Variants in TXNIP observed in about 807,000 individuals in gnomAD.
The protein encoded by TXNIP is thioredoxin interacting protein.
A neutral mutation model predicts 43.9 loss-of-function variants in TXNIP; 23 were observed. The observed-to-expected ratio is 0.52, with a 90% CI of 0.38 to 0.74. TXNIP has a LOEUF of 0.74. Ranked by LOEUF, TXNIP falls within the 30% of genes least tolerant of loss-of-function variation. The probability of loss-of-function intolerance (pLI) is 0.00; values close to 1 mark genes in which losing one functional copy is unlikely to be tolerated. For missense variants in TXNIP, 555 were observed against 485.4 expected, an observed-to-expected ratio of 1.14 and a Z score of -1.35; for synonymous variants, 234 against 172.2, an observed-to-expected ratio of 1.36 and a Z score of -2.81.
At position 145,993,662 on chromosome 1, in the gene TXNIP, C is replaced by A; in HGVS notation, c.*189G>T. On this transcript the variant is annotated 3_prime_UTR_variant, in exon 8 of 8. Coordinates refer to ENST00000582401, the MANE Select transcript of TXNIP (RefSeq NM_006472.6). ...CCCTGTATCACAACATGGGCGCTGG[C>A]TGAGGATGAGTCCGCATCCTTTAAG... 1.6e-6 allele frequency: 1 copy of A among 609,700 alleles called. No individual in the cohort carries two copies. Among genetic ancestry groups the A allele is most frequent in the Non-Finnish European group, 2.8e-6 (1 of 351,852 alleles). 37.8% of individuals were successfully genotyped at this position (609,700 alleles called of 1,614,324 possible). A position where few individuals can be genotyped will look rare whatever the true frequency, so the allele number is the denominator to read the frequency against.
Position 145,996,009 on chromosome 1 carries a change from C to T in TXNIP, c.250+8G>A, listed in dbSNP as rs1553766511. ...TTTCACCCTCCAACAATGAATTGGG[C>T]CGCTTACCTGTTGGCTGGTCTTCCA... On this transcript the variant is annotated splice_region_variant and intron_variant, in intron 1 of 7. Transcript: ENST00000582401. 1.2e-6 allele frequency: 2 copies of T among 1,612,338 alleles called. No individual in the cohort carries two copies. Among genetic ancestry groups the T allele is most frequent in the Non-Finnish European group, 8.5e-7 (1 of 1,179,268 alleles).
chr1:145,993,867 T>C lies in TXNIP; in HGVS notation c.1160A>G (p.Asn387Ser). 6.2e-7 allele frequency: 1 copy of C among 1,614,218 alleles called. No homozygotes were observed. Reference sequence around the variant, plus strand: ...TCCACATGCTCACTGCACATTGTTGTTGAGGATGCAGGGATCCACCTAAAG... The same window carrying C: ...TCCACATGCTCACTGCACATTGTTGCTGAGGATGCAGGGATCCACCTAAAG... ...TYTEVDPCIL[N>S]NNVQ Residue 387 changes from asparagine to serine, a missense_variant, in exon 8 of 8, where the codon AAC (asparagine) becomes AGC (serine). Physicochemically the swap from Asn to Ser is conservative, Grantham distance 46 (BLOSUM62 1). Transcript: ENST00000582401.
chr1:145,995,832 A>T, intron 1 of TXNIP, 185 bp downstream of exon 1: 1 of 788,758 alleles, frequency 1.3e-6, no homozygotes, highest in Non-Finnish European at 2.0e-6. Context: ...AAAAAATTGT[A>T]CAAATCACCC....
rs782455652 is a variant in TXNIP at position 145,994,358 on chromosome 1, C to A, written c.911G>T (p.Ser304Ile). ...LVIGSRSGLSSRTSSMASRTS... is the reference protein window; with the variant it reads ...LVIGSRSGLSIRTSSMASRTS... ...TCGGCTGGCCATGCTGGATGTTCTG[C>A]TGCTTAGACCTGATCTGCTGCCAAT... Residue 304 changes from serine to isoleucine, a missense_variant, in exon 6 of 8, where the codon AGC becomes ATC. By Grantham distance (142) the Ser-to-Ile change is moderately radical. Coordinates refer to ENST00000582401, the MANE Select transcript of TXNIP (RefSeq NM_006472.6). The A allele has an allele frequency of 3.7e-6, 6 of 1,614,072 alleles. No individual in the cohort carries two copies. Among genetic ancestry groups the A allele is most frequent in the Non-Finnish European group, 5.1e-6 (6 of 1,180,038 alleles).
rs142045491 is a variant in TXNIP, at chr1:145,995,850, T to TG, written c.250+166dup. The TG allele has an allele frequency of 4.7e-3, 3,991 of 853,800 alleles. 74 individuals are homozygous for TG. Among genetic ancestry groups the TG allele is most frequent in the African/African-American group, 0.046 (2,676 of 58,444 alleles). The allele number at this position is 853,800 out of a possible 1,614,324, so 52.9% of individuals were successfully genotyped here. Reference sequence around the variant, plus strand: ...AAATTGTACAAATCACCCTTTTTTTTGGGGGGGGAGGAGAATGTCTGCAAA... The same window carrying TG: ...AAATTGTACAAATCACCCTTTTTTTTGGGGGGGGGAGGAGAATGTCTGCAAA... On this transcript the variant is annotated intron_variant, in intron 1 of 7. Coordinates refer to ENST00000582401, the MANE Select transcript of TXNIP (RefSeq NM_006472.6).
At chr1:145,995,835 A>G (rs1367175806) in intron 1 of TXNIP, 182 bp downstream of exon 1, 1 of 806,814 alleles carries the variant, frequency 1.2e-6, no homozygotes. Context: ...AAATTGTACA[A>G]ATCACCCTTT....
In TXNIP at chr1:145,994,001, GA is replaced by G; in HGVS notation, c.1140+14del. 1 of 1,614,122 alleles carries G rather than the reference GA, an allele frequency of 6.2e-7. No individual in the cohort carries two copies. Among genetic ancestry groups the G allele is most frequent in the Non-Finnish European group, 8.5e-7 (1 of 1,180,002 alleles). ...AGCTTAGGACAAATTTAACAGTAAA[GA>G]TGACAATCCTCACCTCAGTATAAGT... On this transcript the variant is annotated intron_variant, in intron 7 of 7. Transcript: ENST00000582401.
At chr1:145,994,229 T>C in intron 6 of TXNIP, 52 bp downstream of exon 6, 2 of 1,612,822 alleles carry the variant, frequency 1.2e-6, no homozygotes, top group East Asian at 2.2e-5. Flanking sequence ...CATCACAATT[T>C]TACAAACCCA....
At chr1:145,994,838 T>C (rs1470361924) in intron 4 of TXNIP, 38 bp from the exon 5 acceptor site, 2 of 1,613,838 alleles carry the variant, frequency 1.2e-6, no homozygotes, top group Non-Finnish European at 1.7e-6. Flanking sequence ...TGATACTCAG[T>C]ATAGTTAATG....
At position 145,995,291 on chromosome 1, in the gene TXNIP, C is replaced by T. The variant is rs1553766307; in HGVS notation, c.324G>A (p.Gly108=). ...EYKFGFELPQ[G]PLGTSFKGKY... Reference sequence around the variant, plus strand: ...TTCCTTTGAAGGATGTTCCCAGAGGCCTGTGTCAAGAAAATGAAAATTTTA... The same window carrying T: ...TTCCTTTGAAGGATGTTCCCAGAGGTCTGTGTCAAGAAAATGAAAATTTTA... The change falls in exon 3 of 8, where the codon GGG becomes GGA. Residue 108 remains glycine (G), a splice_region_variant and synonymous_variant. Coordinates refer to ENST00000582401, the MANE Select transcript of TXNIP (RefSeq NM_006472.6). 6.2e-7 allele frequency: 1 copy of T among 1,611,814 alleles called. No homozygotes were observed. Among genetic ancestry groups the T allele is most frequent in the South Asian group, 1.1e-5 (1 of 91,006 alleles).
At position 145,994,806 on chromosome 1, in the gene TXNIP, A is replaced by G. The variant is rs782657865; in HGVS notation, c.575-6T>C. On this transcript the variant is annotated splice_region_variant and splice_polypyrimidine_tract_variant and intron_variant, in intron 4 of 7. Transcript: ENST00000582401. ...ATGGATGGAAATCTCATCACCTAGC[A>G]ATGAGAAAGATGAAAACTTACTGAT... 2 of 1,614,188 alleles carry G rather than the reference A, an allele frequency of 1.2e-6. No homozygotes were observed. Among genetic ancestry groups the G allele is most frequent in the South Asian group, 2.2e-5 (2 of 91,086 alleles).
rs1651499621 is a variant in TXNIP at position 145,996,012 on chromosome 1, CT to C, written c.250+4del. 1.9e-6 allele frequency: 3 copies of C among 1,612,536 alleles called. No homozygotes were observed. The South Asian group carries it at 3.3e-5, about 18-fold the overall frequency. On this transcript the variant is annotated splice_donor_region_variant and intron_variant, in intron 1 of 7. Transcript: ENST00000582401. ...CACCCTCCAACAATGAATTGGGCCG[CT>C]TACCTGTTGGCTGGTCTTCCAGAAG...
At chr1:145,995,882 C>G (rs1553766481) in intron 1 of TXNIP, 135 bp downstream of exon 1, 1 of 1,127,974 alleles carries the variant, frequency 8.9e-7, no homozygotes, top group Non-Finnish European at 1.2e-6. Context: ...CAAATTAAAA[C>G]AGAAAAAAGG....
Position 145,996,168 on chromosome 1 carries a change from C to T in TXNIP, c.99G>A (p.Val33=), listed in dbSNP as rs587766264. 8 of 1,614,070 alleles carry T rather than the reference C, an allele frequency of 5.0e-6. No individual in the cohort carries two copies. The Admixed American group carries it at 1.2e-4, about 24-fold the overall frequency. ...SGEKVAGRVI[V]EVCEVTRVKA... ...TGACACGAGTAACTTCACACACCTCCACTATCACCCGGCCAGCCACCTTCT... is the reference window on the plus strand; with the variant it reads ...TGACACGAGTAACTTCACACACCTCTACTATCACCCGGCCAGCCACCTTCT... Residue 33 remains valine, a synonymous_variant, in exon 1 of 8, where the codon GTG becomes GTA. Transcript: ENST00000582401.
chr1:145,994,469 G>C, intron 5 of TXNIP, 32 bp from the exon 6 acceptor site: 2 of 1,613,170 alleles, frequency 1.2e-6, no homozygotes, highest in Non-Finnish European at 1.7e-6. Context: ...TATTACACCA[G>C]AGGTCTGGAG....
chr1:145,993,742 T>TGGAC lies in TXNIP; in HGVS notation c.*105_*108dup. The TGGAC allele has an allele frequency of 1.5e-6, 2 of 1,315,778 alleles. No individual in the cohort carries two copies. The highest frequency in any genetic ancestry group is 2.6e-5 in the South Asian group (2 of 77,612). The allele number at this position is 1,315,778 out of a possible 1,614,324, so 81.5% of individuals were successfully genotyped here. A position where few individuals can be genotyped will look rare whatever the true frequency, so the allele number is the denominator to read the frequency against. ...TACATTAGGAAGTCAGAGGCTAAGG[T>TGGAC]GGACCCACACTCCATTGCAGAGACT... On this transcript the variant is annotated 3_prime_UTR_variant, in exon 8 of 8. Transcript: ENST00000582401.
intron 5 of TXNIP, 46 bp from the exon 6 acceptor site, chr1:145,994,483 C>G: frequency 6.2e-7 from 1 of 1,613,108 alleles, no homozygotes; most frequent in Non-Finnish European, 8.5e-7. Flanking sequence ...TCTGGAGAAA[C>G]AAGACAGCTG....
At position 145,993,739 on chromosome 1, in the gene TXNIP, A is replaced by T; in HGVS notation, c.*112T>A. ...TCCTACATTAGGAAGTCAGAGGCTA[A>T]GGTGGACCCACACTCCATTGCAGAG... On this transcript the variant is annotated 3_prime_UTR_variant, in exon 8 of 8. Transcript: ENST00000582401. 1 of 1,280,854 alleles carries T rather than the reference A, an allele frequency of 7.8e-7. No homozygotes were observed. The highest frequency in any genetic ancestry group is 1.5e-5 in the African/African-American group (1 of 67,632). The allele number at this position is 1,280,854 out of a possible 1,614,324, so 79.3% of individuals were successfully genotyped here. A position where few individuals can be genotyped will look rare whatever the true frequency, so the allele number is the denominator to read the frequency against.
rs1174735186 is a variant in TXNIP, at chr1:145,993,243, G to T, written c.*608C>A. The T allele has an allele frequency of 6.5e-6, 1 of 153,086 alleles. No homozygotes were observed. The highest frequency in any genetic ancestry group is 2.4e-5 in the African/African-American group (1 of 41,434). 9.5% of individuals were successfully genotyped at this position (153,086 alleles called of 1,614,324 possible). On this transcript the variant is annotated 3_prime_UTR_variant, in exon 8 of 8. Transcript: ENST00000582401. ...AAGTATACTCTAAGCAAAGATGACC[G>T]TAGAGCAGCTAGCTTCCTTTTTTAT...
Sources: gnomAD v4.1 joint callset for allele counts on GRCh38, gnomAD v4.1.1 for gene constraint, MANE v1.5 for transcripts, NCBI Gene and HGNC (gene_info 2026-07-23, HGNC 2026-07-21) for gene names.